GRM3: variants seen among roughly 807,000 people sequenced by gnomAD.
GRM3 encodes the protein glutamate metabotropic receptor 3, also known as metabotropic glutamate receptor 3.
In GRM3, 26 loss-of-function variants were observed where a neutral mutation model predicts 70.5. The ratio of observed to expected loss-of-function variants is 0.37; its 90% CI spans 0.27 to 0.51. The LOEUF (loss-of-function observed/expected upper bound fraction) is 0.51. Ranked by LOEUF, GRM3 falls within the 20% of genes least tolerant of loss-of-function variation. The pLI, the probability that GRM3 is intolerant of heterozygous loss-of-function variation, is 0.93. For missense variants in GRM3, 859 were observed against 1,123.8 expected, an observed-to-expected ratio of 0.76 and a Z score of 3.37; for synonymous variants, 443 against 434.9, an observed-to-expected ratio of 1.02 and a Z score of -0.23.
rs139645384 is a variant in GRM3, at chr7:86,698,953, C to G, written c.-141+54081C>G. On this transcript the variant is annotated intron_variant, in intron 1 of 5. Transcript: ENST00000361669. ...CTAGGAAGCTGTTCAGTTTTGCACACGTATTGATGCTATACTCCAGAGGCT... is the reference window on the plus strand; with the variant it reads ...CTAGGAAGCTGTTCAGTTTTGCACAGGTATTGATGCTATACTCCAGAGGCT... Among the ~76,000 whole-genome samples the G allele has an allele frequency of 1.4e-4, 21 of 151,950 alleles. 1 individual carries two copies. Among genetic ancestry groups the G allele is most frequent in the African/African-American group, 5.1e-4 (21 of 41,386 alleles).
intron 3 of GRM3, among the ~76,000 whole-genome samples, chr7:86,818,718 CAT>C (rs1217799230): frequency 6.6e-6 from 1 of 152,014 alleles, no homozygotes; most frequent in Non-Finnish European, 1.5e-5. Context: ...AATAAAAGTG[CAT>C]ATATACCAAA....
At chr7:86,816,299 A>C (rs1452462607) in intron 3 of GRM3, among the ~76,000 whole-genome samples, 1 of 151,864 alleles carries the variant, frequency 6.6e-6, no homozygotes, top group African/African-American at 2.4e-5. Context: ...TTTTTTTTTA[A>C]CCTTTATTTT....
intron 1 of GRM3, among the ~76,000 whole-genome samples, chr7:86,725,091 A>G (rs1256961303): frequency 6.6e-6 from 1 of 152,120 alleles, no homozygotes; most frequent in Non-Finnish European, 1.5e-5. Flanking sequence ...AGTTGCCAAG[A>G]CCTTGATTTG....
chr7:86,666,721 A>G (rs1794036985), intron 1 of GRM3, among the ~76,000 whole-genome samples: 1 of 152,026 alleles, frequency 6.6e-6, no homozygotes, highest in Non-Finnish European at 1.5e-5. Context: ...ACATCTTACT[A>G]AAAAGATAGA....
intron 2 of GRM3, chr7:86,784,270 T>G (rs1364074343): frequency 1.3e-5 from 2 of 152,182 alleles, no homozygotes; most frequent in African/African-American, 4.8e-5. Context: ...AGAGGAAATT[T>G]CAGCAGTTTA....
intron 1 of GRM3, among the ~76,000 whole-genome samples, chr7:86,679,333 C>A (rs1470340965): frequency 1.3e-5 from 2 of 151,970 alleles, no homozygotes; most frequent in Admixed American, 6.6e-5. Flanking sequence ...ATATAAAGAA[C>A]TACACTTTTA....
chr7:86,812,473 G>T (rs1022213535), intron 3 of GRM3, among the ~76,000 whole-genome samples: 1 of 151,682 alleles, frequency 6.6e-6, no homozygotes, highest in Non-Finnish European at 1.5e-5. Flanking sequence ...TGTTAACCAG[G>T]TGTTAATTCC....
chr7:86,669,311 A>G (rs1794111519), intron 1 of GRM3, among the ~76,000 whole-genome samples: 1 of 152,190 alleles, frequency 6.6e-6, no homozygotes, highest in South Asian at 2.1e-4. Flanking sequence ...GGGACAGCCA[A>G]TTGAGAAACA....
At chr7:86,709,263 A>G (rs753000696) in intron 1 of GRM3, among the ~76,000 whole-genome samples, 4 of 151,930 alleles carry the variant, frequency 2.6e-5, no homozygotes, top group Non-Finnish European at 5.9e-5. Context: ...CGTAACCGCA[A>G]TGAGTTCCCC....
chr7:86,843,016 C>T (rs1798586476), intron 4 of GRM3, among the ~76,000 whole-genome samples: 1 of 152,068 alleles, frequency 6.6e-6, no homozygotes, highest in Non-Finnish European at 1.5e-5. Context: ...ATCAGTCTTA[C>T]TCAGTTGGAA....
intron 5 of GRM3, among the ~76,000 whole-genome samples, chr7:86,863,558 G>C (rs936792636): frequency 6.6e-6 from 1 of 152,144 alleles, no homozygotes; most frequent in African/African-American, 2.4e-5. Flanking sequence ...TTATGAAACT[G>C]AAGCTCTTAG....
intron 1 of GRM3, among the ~76,000 whole-genome samples, chr7:86,650,553 T>C (rs1361167660): frequency 2.0e-5 from 3 of 152,108 alleles, no homozygotes; most frequent in Non-Finnish European, 4.4e-5. Flanking sequence ...GGCAGAGACA[T>C]GCAAATGGAA....
chr7:86,669,755 A>G lies in GRM3; in HGVS notation c.-141+24883A>G, dbSNP rs1794124142. ...TTAATTATATAAAAAAATCTTCCTC[A>G]AACTGCATATTCCTTCAAATCCCTG... On this transcript the variant is annotated intron_variant, in intron 1 of 5. Coordinates refer to ENST00000361669, the MANE Select transcript of GRM3 (RefSeq NM_000840.3). 2.0e-5 allele frequency among the ~76,000 whole-genome samples: 3 copies of G among 152,316 alleles called. No homozygotes were observed. The Middle Eastern group carries it at 0.01, about 518-fold the overall frequency.
chr7:86,819,004 G>C (rs1798068152), intron 3 of GRM3, among the ~76,000 whole-genome samples: 1 of 152,086 alleles, frequency 6.6e-6, no homozygotes, highest in African/African-American at 2.4e-5. Flanking sequence ...TTGTCAAACA[G>C]TGAACCTCTA....
Position 86,765,334 on chromosome 7 carries a change from C to T in GRM3, c.189C>T (p.Asp63=), listed in dbSNP as rs1306171048. ...GTEECGRINE[D]RGIQRLEAML... is the part of the protein sequence containing the mutation. Reference sequence around the variant, plus strand: ...AAGAATGTGGGCGAATCAATGAAGACCGAGGGATTCAACGCCTGGAAGCCA... The same window carrying T: ...AAGAATGTGGGCGAATCAATGAAGATCGAGGGATTCAACGCCTGGAAGCCA... The change falls in exon 2 of 6, where the codon GAC becomes GAT. Residue 63 remains aspartate, a synonymous_variant. Coordinates refer to ENST00000361669, the MANE Select transcript of GRM3 (RefSeq NM_000840.3). 2 of 1,613,712 alleles carry T rather than the reference C, an allele frequency of 1.2e-6. No homozygotes were observed. Among genetic ancestry groups the T allele is most frequent in the Middle Eastern group, 1.6e-4 (1 of 6,078 alleles).
intron 3 of GRM3, among the ~76,000 whole-genome samples, chr7:86,830,333 A>T (rs1798325815): frequency 6.6e-6 from 1 of 152,202 alleles, no homozygotes; most frequent in African/African-American, 2.4e-5. Context: ...CTCAGCAGTA[A>T]CTTGGTCACT....
intron 1 of GRM3, among the ~76,000 whole-genome samples, chr7:86,746,658 C>G (rs2116342341): frequency 1.3e-5 from 2 of 152,028 alleles, no homozygotes; most frequent in East Asian, 3.9e-4. Flanking sequence ...GCATAAATTC[C>G]TAGCCCGATG....
chr7:86,660,537 C>T (rs964400139), intron 1 of GRM3, among the ~76,000 whole-genome samples: 1 of 151,858 alleles, frequency 6.6e-6, no homozygotes, highest in Non-Finnish European at 1.5e-5. Flanking sequence ...TTAAATAATC[C>T]TAAAGAAAGA....
chr7:86,752,417 G>C (rs759091824), intron 1 of GRM3, among the ~76,000 whole-genome samples: 9 of 152,094 alleles, frequency 5.9e-5, no homozygotes, highest in Non-Finnish European at 1.3e-4. Flanking sequence ...TGAAGGCTTT[G>C]TGTTATTCTT....
Sources: gnomAD v4.1 joint callset for allele counts (sites outside exome capture counted in the v4.1 genomes callset) on GRCh38, gnomAD v4.1.1 for gene constraint, MANE v1.5 for transcripts, NCBI Gene and HGNC (gene_info 2026-07-23, HGNC 2026-07-21) for gene names.